PRDM5: variants seen among roughly 807,000 people sequenced by gnomAD.
PRDM5 encodes the protein PR/SET domain 5.
Under a neutral mutation model 81.2 loss-of-function variants are expected in PRDM5, and 56 were observed. The observed-to-expected ratio is 0.69, with a 90% CI of 0.56 to 0.86. The LOEUF is 0.86. Ranked by LOEUF, PRDM5 falls within the 40% of genes least tolerant of loss-of-function variation. PRDM5 has a pLI of 0.00. For missense variants in PRDM5, 697 were observed against 770.1 expected, an observed-to-expected ratio of 0.91 and a Z score of 1.12; for synonymous variants, 267 against 256.4, an observed-to-expected ratio of 1.04 and a Z score of -0.39.
rs183012200 is a variant in PRDM5 at position 120,877,984 on chromosome 4, T to C, written c.178-24444A>G. 4.8e-3 allele frequency among the ~76,000 whole-genome samples: 736 copies of C among 152,278 alleles called. 3 individuals are homozygous for C. Among genetic ancestry groups the C allele is most frequent in the African/African-American group, 0.017 (696 of 41,562 alleles). On this transcript the variant is annotated intron_variant, in intron 2 of 15. Transcript: ENST00000264808. ...GATTATTAACAAAAAACTAACCACC[T>C]TGTTTTCAGATTGGAAGTCAGTGAA... is the stretch of plus-strand genomic sequence containing the variant.
At position 120,816,556 on chromosome 4, in the gene PRDM5, C is replaced by T. The variant is rs1578855615; in HGVS notation, c.762G>A (p.Glu254=). 10 of 1,614,122 alleles carry T rather than the reference C, an allele frequency of 6.2e-6. No homozygotes were observed. The highest frequency in any genetic ancestry group is 1.7e-4 in the Middle Eastern group (1 of 6,060). The change falls in exon 7 of 16, where the codon GAG becomes GAA. Residue 254 remains glutamate (E), a synonymous_variant. Coordinates refer to ENST00000264808, the MANE Select transcript of PRDM5 (RefSeq NM_018699.4). ...SSASSFEQHQ[E]TCRGDARFVC... is the part of the protein sequence containing the mutation. ...CAAACCTGGCATCCCCCCGGCAAGT[C>T]TCCTGGTGCTGCTCAAAACTACAAG... is the stretch of plus-strand genomic sequence containing the variant.
chr4:120,778,902 C>G (rs1244177607), intron 12 of PRDM5, among the ~76,000 whole-genome samples: 4 of 152,040 alleles, frequency 2.6e-5, no homozygotes, highest in African/African-American at 9.7e-5. Flanking sequence ...TATAACAGAC[C>G]TCTCTTCTTT....
At chr4:120,862,171 T>A (rs938842403) in intron 2 of PRDM5, among the ~76,000 whole-genome samples, 1 of 152,234 alleles carries the variant, frequency 6.6e-6, no homozygotes, top group African/African-American at 2.4e-5. Context: ...AGTTCTGTGC[T>A]GAAAAATTCT....
chr4:120,898,022 T>G (rs1052059951), intron 2 of PRDM5, among the ~76,000 whole-genome samples: 5 of 152,214 alleles, frequency 3.3e-5, no homozygotes, highest in Non-Finnish European at 5.9e-5. Flanking sequence ...ATGCTGGATA[T>G]TTTATATTGA....
chr4:120,808,114 A>T (rs1369770727), intron 8 of PRDM5, among the ~76,000 whole-genome samples: 2 of 152,146 alleles, frequency 1.3e-5, no homozygotes, highest in Non-Finnish European at 2.9e-5. Context: ...GAGCAAAAGA[A>T]CAAAGCTTCC....
intron 10 of PRDM5, among the ~76,000 whole-genome samples, chr4:120,796,161 C>T (rs1224793249): frequency 6.6e-6 from 1 of 152,108 alleles, no homozygotes; most frequent in African/African-American, 2.4e-5. Context: ...CATATCCTTA[C>T]TTCTATGTTT....
At chr4:120,760,112 A>C (rs1272758935) in intron 13 of PRDM5, among the ~76,000 whole-genome samples, 1 of 152,186 alleles carries the variant, frequency 6.6e-6, no homozygotes, top group East Asian at 1.9e-4. Context: ...CCCACTCTTA[A>C]CCTCATGCCA....
At chr4:120,749,917 T>C (rs1224610664) in intron 14 of PRDM5, among the ~76,000 whole-genome samples, 3 of 152,024 alleles carry the variant, frequency 2.0e-5, no homozygotes, top group Non-Finnish European at 4.4e-5. Context: ...TCTAAAGATA[T>C]GAGGTGGAGC....
At chr4:120,779,356 T>C (rs117589583) in intron 12 of PRDM5, among the ~76,000 whole-genome samples, 1 of 152,260 alleles carries the variant, frequency 6.6e-6, no homozygotes, top group East Asian at 1.9e-4. Context: ...ACACTATGAA[T>C]ATACTGTGTG....
chr4:120,804,090 A>G (rs1752542414), intron 8 of PRDM5, among the ~76,000 whole-genome samples: 1 of 152,230 alleles, frequency 6.6e-6, no homozygotes, highest in Admixed American at 6.5e-5. Flanking sequence ...AACAAAGATC[A>G]AAAGAGAAAA....
At chr4:120,746,994 T>C (rs1033362358) in intron 14 of PRDM5, among the ~76,000 whole-genome samples, 57 of 150,418 alleles carry the variant, frequency 3.8e-4, no homozygotes, top group African/African-American at 1.3e-3. Context: ...CGTATGTTTA[T>C]TGCAGCATTA....
intron 8 of PRDM5, among the ~76,000 whole-genome samples, chr4:120,804,074 T>C (rs1326256752): frequency 6.6e-6 from 1 of 152,136 alleles, no homozygotes. Context: ...AAACAGACTT[T>C]AAACCAACAA....
At chr4:120,879,825 G>A (rs961917567) in intron 2 of PRDM5, among the ~76,000 whole-genome samples, 3 of 151,904 alleles carry the variant, frequency 2.0e-5, no homozygotes, top group Non-Finnish European at 4.4e-5. Context: ...GCAAAACTAT[G>A]GAGATAGTTA....
intron 3 of PRDM5, among the ~76,000 whole-genome samples, chr4:120,843,352 ATTAAT>A (rs983762271): frequency 2.6e-5 from 4 of 152,106 alleles, no homozygotes; most frequent in South Asian, 4.2e-4. Flanking sequence ...TAATTAATTA[ATTAAT>A]TTAATTTAAT....
At chr4:120,715,841 C>T (rs572726385) in intron 14 of PRDM5, among the ~76,000 whole-genome samples, 1 of 152,244 alleles carries the variant, frequency 6.6e-6, no homozygotes, top group African/African-American at 2.4e-5. Flanking sequence ...CAAAATGCCA[C>T]CCTAAGAGCA....
At position 120,853,461 on chromosome 4, in the gene PRDM5, T is replaced by C; in HGVS notation, c.257A>G (p.His86Arg). The change falls in exon 3 of 16, where the codon CAT becomes CGT. Residue 86 changes from histidine to arginine, a missense_variant. This residue lies in a region of PRDM5 where 577 missense variants were observed against 606.7 expected (regional missense o/e 0.95). Coordinates refer to ENST00000264808, the MANE Select transcript of PRDM5 (RefSeq NM_018699.4). ...CTTCTGCTCCTGAGATGGTGCCTCA[T>C]GAACGAAGCGAAGCCAGTTGGAGTG... The part of the protein sequence containing the change: ...PRHSNWLRFV[H>R]EAPSQEQKNL... 2 of 1,613,752 alleles carry C rather than the reference T, an allele frequency of 1.2e-6. No homozygotes were observed. The highest frequency in any genetic ancestry group is 1.7e-6 in the Non-Finnish European group (2 of 1,179,746).
At chr4:120,742,406 G>T (rs979425905) in intron 14 of PRDM5, among the ~76,000 whole-genome samples, 1 of 152,218 alleles carries the variant, frequency 6.6e-6, no homozygotes, top group African/African-American at 2.4e-5. Context: ...CTCCTCACCA[G>T]CAATGGAACA....
At position 120,817,021 on chromosome 4, in the gene PRDM5, G is replaced by A. The variant is rs143516568; in HGVS notation, c.651-97C>T. On this transcript the variant is annotated intron_variant, in intron 5 of 15. Coordinates refer to ENST00000264808, the MANE Select transcript of PRDM5 (RefSeq NM_018699.4). ...ACTAACTCTGAATAAAGTCATGTTCGTGATCCCTTTTTTCATTGTCTTTTG... is the reference window on the plus strand; with the variant it reads ...ACTAACTCTGAATAAAGTCATGTTCATGATCCCTTTTTTCATTGTCTTTTG... 2,967 of 1,037,070 alleles carry A rather than the reference G, an allele frequency of 2.9e-3. 8 individuals carry two copies. The highest frequency in any genetic ancestry group is 6.6e-3 in the East Asian group (276 of 42,106). 64.2% of individuals were successfully genotyped at this position (1,037,070 alleles called of 1,614,324 possible). A position where few individuals can be genotyped will look rare whatever the true frequency, so the allele number is the denominator to read the frequency against.
intron 2 of PRDM5, among the ~76,000 whole-genome samples, chr4:120,857,578 C>T (rs1561509368): frequency 6.6e-6 from 1 of 152,178 alleles, no homozygotes; most frequent in East Asian, 1.9e-4. Flanking sequence ...TCATTGCTAC[C>T]ATGTATCTGT....
Sources: allele counts gnomAD v4.1 joint callset (sites outside exome capture counted in the v4.1 genomes callset), GRCh38; gene constraint gnomAD v4.1.1; regional missense constraint gnomAD v4.1.1; transcripts MANE v1.5; gene names NCBI Gene and HGNC (gene_info 2026-07-23, HGNC 2026-07-21).